DLG2: variants seen among roughly 807,000 people sequenced by gnomAD.
DLG2 encodes the protein discs large MAGUK scaffold protein 2.
DLG2 carries 45 observed loss-of-function variants against 132.5 expected under a neutral mutation model. The observed-to-expected ratio is 0.34, with a 90% CI of 0.27 to 0.44. The LOEUF (loss-of-function observed/expected upper bound fraction) is 0.44, where lower values mean the gene tolerates loss of function less well. Ranked by LOEUF, DLG2 falls within the 20% of genes least tolerant of loss-of-function variation. DLG2 has a pLI of 1.00. For missense variants in DLG2, 1,045 were observed against 1,196.9 expected (o/e 0.87, Z 1.87); for synonymous variants, 424 against 419.6 (o/e 1.01, Z -0.13).
chr11:83,665,511 A>C (rs564364395), intron 18 of DLG2, among the ~76,000 whole-genome samples: 1 of 152,216 alleles, frequency 6.6e-6, no homozygotes, highest in African/African-American at 2.4e-5. Context: ...TCTCTTATGT[A>C]CTCTCCCTCT....
intron 6 of DLG2, among the ~76,000 whole-genome samples, chr11:84,826,038 C>A (rs905212944): frequency 6.6e-6 from 1 of 151,750 alleles, no homozygotes; most frequent in Non-Finnish European, 1.5e-5. Flanking sequence ...CCTCACCATG[C>A]ATTCTATCTT....
intron 16 of DLG2, among the ~76,000 whole-genome samples, chr11:83,848,002 G>A (rs528190702): frequency 6.6e-6 from 1 of 152,220 alleles, no homozygotes; most frequent in East Asian, 1.9e-4. Context: ...TGGTGTGATG[G>A]AGAAACTTAA....
At chr11:85,158,203 T>G (rs1247945672) in intron 4 of DLG2, among the ~76,000 whole-genome samples, 2 of 152,156 alleles carry the variant, frequency 1.3e-5, no homozygotes, top group Non-Finnish European at 2.9e-5. Context: ...TGGGAATGGA[T>G]ATTAAGGGTG....
At chr11:84,744,515 T>C (rs2065102719) in intron 6 of DLG2, among the ~76,000 whole-genome samples, 1 of 152,198 alleles carries the variant, frequency 6.6e-6, no homozygotes, top group Non-Finnish European at 1.5e-5. Context: ...CTGCACTAAT[T>C]AGGGAATTTA....
chr11:84,759,750 T>G (rs2067354579), intron 6 of DLG2, among the ~76,000 whole-genome samples: 1 of 152,198 alleles, frequency 6.6e-6, no homozygotes, highest in South Asian at 2.1e-4. Context: ...CAAAAACTTG[T>G]CTTCATATGC....
intron 11 of DLG2, among the ~76,000 whole-genome samples, chr11:84,006,171 T>C (rs560539122): frequency 1.3e-5 from 2 of 151,972 alleles, no homozygotes; most frequent in African/African-American, 4.8e-5. Context: ...ATGTCATTTG[T>C]AGTAACATCG....
intron 6 of DLG2, among the ~76,000 whole-genome samples, chr11:84,981,710 T>A (rs1322890472): frequency 1.3e-5 from 2 of 152,106 alleles, no homozygotes. Context: ...AAATAAAAGA[T>A]GCTCTCATGA....
At chr11:85,069,271 G>A (rs868359216) in intron 6 of DLG2, among the ~76,000 whole-genome samples, 2 of 152,144 alleles carry the variant, frequency 1.3e-5, no homozygotes, top group Middle Eastern at 3.4e-3. Context: ...AACACCAAAA[G>A]CAATGGCAAC....
At chr11:84,799,935 T>C (rs2075160219) in intron 6 of DLG2, among the ~76,000 whole-genome samples, 1 of 152,200 alleles carries the variant, frequency 6.6e-6, no homozygotes, top group South Asian at 2.1e-4. Context: ...TACTTTCCAT[T>C]TGCATATGCT....
chr11:83,930,564 T>C, intron 14 of DLG2, 81 bp from the exon 15 acceptor site: 1 of 1,378,708 alleles, frequency 7.3e-7, no homozygotes, highest in South Asian at 1.5e-5. Flanking sequence ...CATCTCAGCA[T>C]GTGCAAAAGT....
At chr11:83,911,319 T>C (rs1296283243) in intron 15 of DLG2, among the ~76,000 whole-genome samples, 1 of 152,132 alleles carries the variant, frequency 6.6e-6, no homozygotes, top group Non-Finnish European at 1.5e-5. Context: ...TATAACAAAA[T>C]ATAATTATCA....
chr11:85,186,836 A>G (rs1481043069), intron 4 of DLG2, among the ~76,000 whole-genome samples: 4 of 152,086 alleles, frequency 2.6e-5, no homozygotes, highest in Admixed American at 2.0e-4. Flanking sequence ...AATTCATCAT[A>G]TATTTCATTT....
chr11:84,213,985 T>A (rs1008801716), intron 8 of DLG2, among the ~76,000 whole-genome samples: 1 of 151,346 alleles, frequency 6.6e-6, no homozygotes, highest in African/African-American at 2.4e-5. Context: ...TCATTATTGG[T>A]TATTAATATG....
At chr11:84,651,556 C>T (rs554686828) in intron 6 of DLG2, among the ~76,000 whole-genome samples, 5 of 152,096 alleles carry the variant, frequency 3.3e-5, no homozygotes, top group East Asian at 3.9e-4. Flanking sequence ...CTTCTGTCTC[C>T]GGGTGAATTT....
At chr11:84,809,787 G>C (rs2076370204) in intron 6 of DLG2, among the ~76,000 whole-genome samples, 1 of 151,722 alleles carries the variant, frequency 6.6e-6, no homozygotes, top group South Asian at 2.1e-4. Flanking sequence ...AAAAGAACTA[G>C]AACACTTAAA....
chr11:84,133,305 A>G (rs1308329698), intron 9 of DLG2, among the ~76,000 whole-genome samples: 1 of 152,056 alleles, frequency 6.6e-6, no homozygotes, highest in Non-Finnish European at 1.5e-5. Context: ...AATATATTCT[A>G]TTCTTATTAT....
intron 19 of DLG2, among the ~76,000 whole-genome samples, chr11:83,587,798 C>T (rs1258596639): frequency 6.6e-6 from 1 of 152,094 alleles, no homozygotes; most frequent in East Asian, 1.9e-4. Context: ...CGTGCGCGAG[C>T]CGAAGCAGGG....
chr11:84,212,945 G>A (rs1445618452), intron 8 of DLG2, among the ~76,000 whole-genome samples: 1 of 151,872 alleles, frequency 6.6e-6, no homozygotes, highest in Non-Finnish European at 1.5e-5. Context: ...GGCGTGAGCC[G>A]CGGCGCCCGG....
Position 85,057,058 on chromosome 11 carries a change from G to T in DLG2, c.357+54603C>A, listed in dbSNP as rs947869876. Among the ~76,000 whole-genome samples, 5 of 151,728 alleles carry T rather than the reference G, an allele frequency of 3.3e-5. No individual in the cohort carries two copies. The East Asian group carries it at 7.7e-4, about 23-fold the overall frequency. ...TATGGGTAAGTCTAAGTGAATATTG[G>T]CTATGCAGTCCTTAGAAGAAATTTG... On this transcript the variant is annotated intron_variant, in intron 6 of 27. Coordinates refer to ENST00000376104, the MANE Select transcript of DLG2 (RefSeq NM_001142699.3).
Sources: allele counts gnomAD v4.1 joint callset (sites outside exome capture counted in the v4.1 genomes callset), GRCh38; gene constraint gnomAD v4.1.1; transcripts MANE v1.5; gene names NCBI Gene and HGNC (gene_info 2026-07-23, HGNC 2026-07-21).